Variants in RORB observed in about 807,000 individuals in gnomAD.
RORB encodes the protein RAR related orphan receptor B.
In RORB, 6 loss-of-function variants were observed where a neutral mutation model predicts 59.1. The ratio of observed to expected loss-of-function variants is 0.10; its 90% CI spans 0.06 to 0.20. RORB has a LOEUF of 0.20. RORB is among the 10% of genes least tolerant of loss of function. The pLI is 1.00. For synonymous variants in RORB, 215 were observed against 204.5 expected, an observed-to-expected ratio of 1.05 and a Z score of -0.44; for missense variants, 320 against 560.5, an observed-to-expected ratio of 0.57 and a Z score of 4.33.
At position 74,551,803 on chromosome 9, in the gene RORB, G is replaced by T. The variant is rs1279092855; in HGVS notation, c.7+53820G>T. 2.6e-5 allele frequency among the ~76,000 whole-genome samples: 4 copies of T among 152,272 alleles called. No homozygotes were observed. In the East Asian group the frequency reaches 7.7e-4, roughly 29 times the overall value. On this transcript the variant is annotated intron_variant, in intron 1 of 9. Transcript: ENST00000376896. Reference sequence around the variant, plus strand: ...TCCTGGGAAAAAAATTATAGTGGTTGCCATTCGTTTGATTTTCAAAAGTTT... The same window carrying T: ...TCCTGGGAAAAAAATTATAGTGGTTTCCATTCGTTTGATTTTCAAAAGTTT...
At chr9:74,637,367 G>A (rs1343395542) in intron 3 of RORB, among the ~76,000 whole-genome samples, 3 of 151,970 alleles carry the variant, frequency 2.0e-5, no homozygotes, top group Admixed American at 6.6e-5. Context: ...CTGCTATATC[G>A]GTTTATTAGC....
intron 5 of RORB, among the ~76,000 whole-genome samples, chr9:74,661,730 C>G (rs1457618365): frequency 6.7e-6 from 1 of 148,990 alleles, no homozygotes; most frequent in African/African-American, 2.5e-5. Flanking sequence ...CTGCAAGCTC[C>G]ACCTCCCAGG....
At chr9:74,585,826 G>T (rs1338056087) in intron 1 of RORB, among the ~76,000 whole-genome samples, 1 of 46,028 alleles carries the variant, frequency 2.2e-5, no homozygotes, top group Admixed American at 2.2e-4. Context: ...ACGGATTCTC[G>T]CTCTGTCGCC....
At chr9:74,532,839 C>CATAGAT (rs1826267623) in intron 1 of RORB, among the ~76,000 whole-genome samples, 2 of 134,416 alleles carry the variant, frequency 1.5e-5, no homozygotes. Context: ...TATATATATA[C>CATAGAT]ACATATATAT....
intron 9 of RORB, among the ~76,000 whole-genome samples, chr9:74,673,414 C>T (rs1163506227): frequency 2.6e-5 from 4 of 151,896 alleles, no homozygotes; most frequent in African/African-American, 9.7e-5. Context: ...GAGGATTGTC[C>T]GCTTGTATGA....
chr9:74,616,348 A>G (rs1030892431), intron 1 of RORB, among the ~76,000 whole-genome samples: 1 of 152,216 alleles, frequency 6.6e-6, no homozygotes, highest in African/African-American at 2.4e-5. Context: ...CAAATAATAT[A>G]AACACTGCAT....
intron 1 of RORB, among the ~76,000 whole-genome samples, chr9:74,539,518 GA>G (rs1826371820): frequency 6.6e-6 from 1 of 152,236 alleles, no homozygotes; most frequent in Non-Finnish European, 1.5e-5. Context: ...CATATTTATG[GA>G]AAGCAGGCCA....
chr9:74,659,230 C>T (rs1018175608), intron 4 of RORB, among the ~76,000 whole-genome samples: 1 of 152,140 alleles, frequency 6.6e-6, no homozygotes, highest in Admixed American at 6.5e-5. Flanking sequence ...TTCTCTACAT[C>T]ACTAAAATTT....
Position 74,620,313 on chromosome 9 carries a change from T to C in RORB, c.8-9969T>C, listed in dbSNP as rs187021859. On this transcript the variant is annotated intron_variant, in intron 1 of 9. Transcript: ENST00000376896. ...GGAATTTATCCATTTCTTCTAGATG[T>C]TCTAGTTTATTTGCGTAGAGGTGTT... is the stretch of plus-strand genomic sequence containing the variant. Among the ~76,000 whole-genome samples, 17 of 152,348 alleles carry C rather than the reference T, an allele frequency of 1.1e-4. No homozygotes were observed. The East Asian group carries it at 2.7e-3, about 24-fold the overall frequency.
chr9:74,527,773 A>G (rs933297756), intron 1 of RORB, among the ~76,000 whole-genome samples: 2 of 151,996 alleles, frequency 1.3e-5, no homozygotes, highest in African/African-American at 4.8e-5. Flanking sequence ...GTCCCTTCAA[A>G]TCTGTTTTGT....
intron 4 of RORB, among the ~76,000 whole-genome samples, chr9:74,653,759 G>C (rs372256495): frequency 6.6e-6 from 1 of 151,906 alleles, no homozygotes; most frequent in African/African-American, 2.4e-5. Flanking sequence ...CGTGCAATCC[G>C]TGTCTGAGAC....
At chr9:74,628,699 G>A (rs776621528) in intron 1 of RORB, among the ~76,000 whole-genome samples, 4 of 152,186 alleles carry the variant, frequency 2.6e-5, no homozygotes, top group Non-Finnish European at 5.9e-5. Flanking sequence ...CTGTAGAAAA[G>A]CATCCAAGTG....
intron 9 of RORB, among the ~76,000 whole-genome samples, 167 bp from the exon 10 acceptor site, chr9:74,685,295 AT>A (rs1167746498): frequency 6.6e-6 from 1 of 151,284 alleles, no homozygotes; most frequent in Admixed American, 6.6e-5. Flanking sequence ...GGTACGTTTT[AT>A]TTTGTTTTGT....
At chr9:74,499,398 G>A (rs1020481878) in intron 1 of RORB, among the ~76,000 whole-genome samples, 8 of 152,284 alleles carry the variant, frequency 5.3e-5, no homozygotes, top group Middle Eastern at 3.4e-3. Flanking sequence ...TGAGCCCCGA[G>A]CCTGGACTCA....
intron 1 of RORB, among the ~76,000 whole-genome samples, chr9:74,539,854 C>A: frequency 7.0e-6 from 1 of 142,644 alleles, no homozygotes; most frequent in Admixed American, 7.4e-5. Flanking sequence ...AATCACTTAC[C>A]CACCTTAACC....
chr9:74,517,482 C>T (rs1826025855), intron 1 of RORB, among the ~76,000 whole-genome samples: 1 of 152,020 alleles, frequency 6.6e-6, no homozygotes, highest in Admixed American at 6.6e-5. Context: ...CCTGCTTTCT[C>T]AGGCAGAACC....
chr9:74,586,619 G>GTGTGTGTGTA (rs1221367009), intron 1 of RORB, among the ~76,000 whole-genome samples: 1 of 151,568 alleles, frequency 6.6e-6, no homozygotes, highest in African/African-American at 2.4e-5. Context: ...GTGTGTGTGT[G>GTGTGTGTGTA]TGTGTGTGTG....
At chr9:74,548,157 A>G (rs1051662676) in intron 1 of RORB, among the ~76,000 whole-genome samples, 1 of 152,164 alleles carries the variant, frequency 6.6e-6, no homozygotes, top group African/African-American at 2.4e-5. Flanking sequence ...GTTACCCATA[A>G]CGGCATGACC....
At chr9:74,516,552 A>C (rs765402771) in intron 1 of RORB, among the ~76,000 whole-genome samples, 1 of 152,058 alleles carries the variant, frequency 6.6e-6, no homozygotes, top group Non-Finnish European at 1.5e-5. Context: ...ACTTTTGAAA[A>C]AAAGGAAATC....
Sources: gnomAD v4.1 joint callset for allele counts (sites outside exome capture counted in the v4.1 genomes callset) on GRCh38, gnomAD v4.1.1 for gene constraint, MANE v1.5 for transcripts, NCBI Gene and HGNC (gene_info 2026-07-23, HGNC 2026-07-21) for gene names.